Variants in NVL observed in about 807,000 individuals in gnomAD.
The protein encoded by NVL is nuclear valosin-containing protein-like.
Under a neutral mutation model 110.2 loss-of-function variants are expected in NVL, and 84 were observed. The ratio of observed to expected loss-of-function variants is 0.76; its 90% CI spans 0.64 to 0.91. The LOEUF (loss-of-function observed/expected upper bound fraction) is 0.91, where lower values mean the gene tolerates loss of function less well. Among genes scored for constraint, NVL ranks in the 40% least tolerant of loss-of-function variants. The pLI is 0.00. For missense variants in NVL, 882 were observed against 1,035.9 expected (o/e 0.85, Z 2.04); for synonymous variants, 354 against 361.1 (o/e 0.98, Z 0.22).
chr1:224,303,359 C>T (rs566836142), intron 9 of NVL, among the ~76,000 whole-genome samples: 6 of 151,168 alleles, frequency 4.0e-5, no homozygotes, highest in East Asian at 3.9e-4. Context: ...TGCTTGAACC[C>T]GGGAGGCGGA....
At chr1:224,258,917 G>A (rs2405062) in intron 18 of NVL, among the ~76,000 whole-genome samples, 126,554 of 147,918 alleles carry the variant, frequency 0.86, 55,689 homozygotes, top group Non-Finnish European at 0.94. Flanking sequence ...CCAAGGCAGG[G>A]GGCATGCTGC....
At position 224,268,113 on chromosome 1, in the gene NVL, C is replaced by T; in HGVS notation, c.2103G>A (p.Val701=). 1 of 1,613,798 alleles carries T rather than the reference C, an allele frequency of 6.2e-7. No individual in the cohort carries two copies. Among genetic ancestry groups the T allele is most frequent in the Non-Finnish European group, 8.5e-7 (1 of 1,179,810 alleles). The change falls in exon 18 of 23, where the codon GTG becomes GTA. Residue 701 remains valine (V), a synonymous_variant. Transcript: ENST00000281701. ...CCATCTCTGTAAGTAGCTGATTCACCACTCGGACACTTGCCCCTGTCTAAA... is the reference window on the plus strand; with the variant it reads ...CCATCTCTGTAAGTAGCTGATTCACTACTCGGACACTTGCCCCTGTCTAAA... ...SDRETGASVR[V]VNQLLTEMDG...
chr1:224,300,907 C>T (rs1249899999), intron 9 of NVL, among the ~76,000 whole-genome samples: 3 of 151,986 alleles, frequency 2.0e-5, no homozygotes, highest in South Asian at 2.1e-4. Context: ...GAGTTCGAGA[C>T]CACCCTGACC....
At chr1:224,310,831 A>G (rs1669445648) in intron 5 of NVL, among the ~76,000 whole-genome samples, 1 of 152,124 alleles carries the variant, frequency 6.6e-6, no homozygotes. Flanking sequence ...CCTGGGCTCA[A>G]GCGATCCTCC....
At chr1:224,241,622 G>A (rs1218520894) in intron 19 of NVL, among the ~76,000 whole-genome samples, 1 of 151,964 alleles carries the variant, frequency 6.6e-6, no homozygotes, top group Non-Finnish European at 1.5e-5. Context: ...TTGGGAGGCC[G>A]AGGCGGGTGG....
At position 224,289,899 on chromosome 1, in the gene NVL, G is replaced by A. The variant is rs116511190; in HGVS notation, c.1326-166C>T. 9.1e-3 allele frequency among the ~76,000 whole-genome samples: 1,392 copies of A among 152,312 alleles called. 19 individuals are homozygous for A. The highest frequency in any genetic ancestry group is 0.031 in the African/African-American group (1,285 of 41,560). On this transcript the variant is annotated intron_variant, in intron 12 of 22. Transcript: ENST00000281701. Reference sequence around the variant, plus strand: ...TCAACAAACGCTGTCATTATTACATGTTCCATCTTATTCCAGAAAGGATTA... The same window carrying A: ...TCAACAAACGCTGTCATTATTACATATTCCATCTTATTCCAGAAAGGATTA...
At chr1:224,253,406 T>C (rs1417486829) in intron 18 of NVL, among the ~76,000 whole-genome samples, 1 of 151,938 alleles carries the variant, frequency 6.6e-6, no homozygotes, top group African/African-American at 2.4e-5. Context: ...ACCAGTAGTA[T>C]GGCCATATCA....
intron 12 of NVL, among the ~76,000 whole-genome samples, chr1:224,290,165 A>G (rs766157410): frequency 6.6e-6 from 1 of 152,208 alleles, no homozygotes; most frequent in Non-Finnish European, 1.5e-5. Context: ...TTCCCATTTC[A>G]TATTAGGACA....
At chr1:224,325,263 GAAA>G (rs1166717307) in intron 2 of NVL, among the ~76,000 whole-genome samples, 2 of 134,150 alleles carry the variant, frequency 1.5e-5, no homozygotes, top group Admixed American at 7.6e-5. Flanking sequence ...CTCCGTCTCA[GAAA>G]AAAAAAAAAA....
chr1:224,302,680 C>G (rs1668534613), intron 9 of NVL, among the ~76,000 whole-genome samples: 1 of 152,116 alleles, frequency 6.6e-6, no homozygotes, highest in African/African-American at 2.4e-5. Flanking sequence ...GAACATGACT[C>G]TAAATAAAAA....
At chr1:224,255,291 G>A (rs1409762444) in intron 18 of NVL, among the ~76,000 whole-genome samples, 2 of 141,970 alleles carry the variant, frequency 1.4e-5, no homozygotes, top group East Asian at 4.3e-4. Context: ...CCTGGTTCTC[G>A]CCATTCTCCT....
chr1:224,290,841 G>A (rs1378683134), intron 12 of NVL, among the ~76,000 whole-genome samples: 1 of 151,784 alleles, frequency 6.6e-6, no homozygotes, highest in African/African-American at 2.4e-5. Flanking sequence ...ATGGGGGCGG[G>A]TACCTGTAAT....
intron 18 of NVL, among the ~76,000 whole-genome samples, chr1:224,262,195 CA>C (rs1337244664): frequency 6.6e-6 from 1 of 151,686 alleles, no homozygotes; most frequent in Non-Finnish European, 1.5e-5. Context: ...ATTAAACAAA[CA>C]AACAAAAAGT....
chr1:224,299,470 G>C (rs2102679136), intron 10 of NVL, among the ~76,000 whole-genome samples: 1 of 152,248 alleles, frequency 6.6e-6, no homozygotes, highest in East Asian at 1.9e-4. Context: ...AGGAAAAGCG[G>C]GGTGCTAGGC....
intron 17 of NVL, among the ~76,000 whole-genome samples, chr1:224,270,110 C>A (rs1039931317): frequency 6.6e-6 from 1 of 151,800 alleles, no homozygotes; most frequent in African/African-American, 2.4e-5. Flanking sequence ...ATTGGTGCTC[C>A]TTATTATCAC....
At position 224,238,800 on chromosome 1, in the gene NVL, G is replaced by A. The variant is rs114880969; in HGVS notation, c.2290-2218C>T. On this transcript the variant is annotated intron_variant, in intron 19 of 22. Coordinates refer to ENST00000281701, the MANE Select transcript of NVL (RefSeq NM_002533.4). Reference sequence around the variant, plus strand: ...TGGAAGTAGAAGGGCAGCTTTTGTCGGTGTGGGAATGTTCTATTTTATTGT... The same window carrying A: ...TGGAAGTAGAAGGGCAGCTTTTGTCAGTGTGGGAATGTTCTATTTTATTGT... Among the ~76,000 whole-genome samples, 802 of 152,200 alleles carry A rather than the reference G, an allele frequency of 5.3e-3. 10 individuals carry two copies. Among genetic ancestry groups the A allele is most frequent in the African/African-American group, 0.018 (752 of 41,526 alleles).
chr1:224,310,486 T>C lies in NVL; in HGVS notation c.342+1314A>G, dbSNP rs73118039. ...AAAAGTATATCCCTTTTTCCATTTT[T>C]ACTATTAATTACTCTATTCTTGTCT... On this transcript the variant is annotated intron_variant, in intron 5 of 22. Coordinates refer to ENST00000281701, the MANE Select transcript of NVL (RefSeq NM_002533.4). Among the ~76,000 whole-genome samples, 934 of 152,276 alleles carry C rather than the reference T, an allele frequency of 6.1e-3. 8 individuals carry two copies. The highest frequency in any genetic ancestry group is 0.021 in the African/African-American group (877 of 41,572).
At chr1:224,270,103 G>C (rs1163271324) in intron 17 of NVL, among the ~76,000 whole-genome samples, 1 of 151,074 alleles carries the variant, frequency 6.6e-6, no homozygotes, top group Admixed American at 6.6e-5. Context: ...AAAAAAAATT[G>C]GTGCTCCTTA....
In NVL at chr1:224,248,765, T is replaced by A. The variant is rs145883596; in HGVS notation, c.2289+1447A>T. On this transcript the variant is annotated intron_variant, in intron 19 of 22. Coordinates refer to ENST00000281701, the MANE Select transcript of NVL (RefSeq NM_002533.4). ...GTTAACAAAATCTTGTGATGTCTAT[T>A]AATATTCCAAGCTGGAGACAAGCAG... Among the ~76,000 whole-genome samples the A allele has an allele frequency of 3.2e-3, 491 of 152,282 alleles. 1 individual carries two copies. The highest frequency in any genetic ancestry group is 0.012 in the African/African-American group (484 of 41,544).
Sources: allele counts gnomAD v4.1 joint callset (sites outside exome capture counted in the v4.1 genomes callset), GRCh38; gene constraint gnomAD v4.1.1; transcripts MANE v1.5; gene names NCBI Gene and HGNC (gene_info 2026-07-23, HGNC 2026-07-21).